The following ERI1 variants were observed in gnomAD, a reference collection of about 807,000 sequenced individuals.
ERI1 encodes 3'-5' exoribonuclease 1.
In ERI1, 39 loss-of-function variants were observed where a neutral mutation model predicts 39.7. The observed-to-expected ratio is 0.98, with a 90% confidence interval of 0.76 to 1.28. The LOEUF (loss-of-function observed/expected upper bound fraction) is 1.28. Ranked by LOEUF, ERI1 falls within the 50% of genes most tolerant of loss-of-function variation. ERI1 has a pLI of 0.00. For missense variants in ERI1, 581 were observed against 416.9 expected, an observed-to-expected ratio of 1.39 and a Z score of -3.43; for synonymous variants, 204 against 149.6, an observed-to-expected ratio of 1.36 and a Z score of -2.65.
At chr8:9,007,340 G>A (rs1816128173) in intron 1 of ERI1, among the ~76,000 whole-genome samples, 1 of 152,118 alleles carries the variant, frequency 6.6e-6, no homozygotes, top group African/African-American at 2.4e-5. Context: ...GGCAATTTTT[G>A]TTAACTTTGT....
intron 3 of ERI1, chr8:9,091,169 C>G (rs915984433): frequency 1.3e-5 from 2 of 152,182 alleles, no homozygotes; most frequent in Admixed American, 1.3e-4. Context: ...CCTGTCGGCC[C>G]TTCTTCAGCA....
chr8:9,081,007 G>C (rs1799350228), intron 3 of ERI1, among the ~76,000 whole-genome samples: 1 of 152,240 alleles, frequency 6.6e-6, no homozygotes, highest in Non-Finnish European at 1.5e-5. Flanking sequence ...TTGACTCACA[G>C]TTCCTCATGG....
Position 9,002,989 on chromosome 8 carries a change from A to G in ERI1, c.-75A>G. The G allele has an allele frequency of 9.6e-7, 1 of 1,037,952 alleles. No individual in the cohort carries two copies. Among genetic ancestry groups the G allele is most frequent in the Non-Finnish European group, 1.2e-6 (1 of 803,612 alleles). 64.3% of individuals were successfully genotyped at this position (1,037,952 alleles called of 1,614,324 possible). ...GGTAATTTTTCAACGGAGAAAGGCGAGGCTTTCGGGCTCTGCAGAGTGAGA... is the reference window on the plus strand; with the variant it reads ...GGTAATTTTTCAACGGAGAAAGGCGGGGCTTTCGGGCTCTGCAGAGTGAGA... On this transcript the variant is annotated 5_prime_UTR_variant, in exon 1 of 7. Transcript: ENST00000250263.
intron 5 of ERI1, 150 bp from the exon 6 acceptor site, chr8:9,020,200 T>C (rs1817731579): frequency 2.0e-6 from 1 of 489,968 alleles, no homozygotes; most frequent in South Asian, 3.8e-5. Flanking sequence ...TGAATTAGTA[T>C]TTTGTAGGAA....
chr8:9,020,909 CTGTTTT>C (rs1001250355), intron 6 of ERI1, among the ~76,000 whole-genome samples: 16 of 152,076 alleles, frequency 1.1e-4, no homozygotes, highest in South Asian at 4.1e-4. Flanking sequence ...ATGTAAAGCT[CTGTTTT>C]TGTTTTTGTT....
At chr8:9,067,390 G>C (rs1256785849) in intron 3 of ERI1, among the ~76,000 whole-genome samples, 1 of 143,760 alleles carries the variant, frequency 7.0e-6, no homozygotes, top group Non-Finnish European at 1.5e-5. Flanking sequence ...GCATGTGTGT[G>C]TGTGTGTGTG....
chr8:9,068,813 TTAAATTTTA>T (rs1798963088), intron 3 of ERI1, among the ~76,000 whole-genome samples: 1 of 152,136 alleles, frequency 6.6e-6, no homozygotes, highest in Non-Finnish European at 1.5e-5. Context: ...TTTAAATTTT[TTAAATTTTA>T]TTATTGGTTT....
intron 3 of ERI1, among the ~76,000 whole-genome samples, chr8:9,054,059 A>G (rs886457575): frequency 1.3e-5 from 2 of 152,210 alleles, no homozygotes; most frequent in Admixed American, 6.5e-5. Context: ...CCACATTCAC[A>G]TATGAAGTTG....
chr8:9,086,264 A>T (rs1223885718), intron 3 of ERI1, among the ~76,000 whole-genome samples: 1 of 152,118 alleles, frequency 6.6e-6, no homozygotes, highest in Non-Finnish European at 1.5e-5. Context: ...AAATACCAAA[A>T]ATTAGCTGGG....
chr8:9,020,383 G>T lies in ERI1; in HGVS notation c.726G>T (p.Gln242His), dbSNP rs376506896. 5 of 1,602,346 alleles carry T rather than the reference G, an allele frequency of 3.1e-6. No homozygotes were observed. Among genetic ancestry groups the T allele is most frequent in the East Asian group, 2.3e-5 (1 of 44,382 alleles). Residue 242 changes from glutamine to histidine, a missense_variant, in exon 6 of 7, where the codon CAG becomes CAT. Transcript: ENST00000250263. Reference sequence around the variant, plus strand: ...ATATGAGTAAGTTCTTGAACATTCAGTGTCAACTCAGCAGGCTCAAATACC... The same window carrying T: ...ATATGAGTAAGTTCTTGAACATTCATTGTCAACTCAGCAGGCTCAAATACC... ...SWDMSKFLNIQCQLSRLKYPP... is the reference protein window; with the variant it reads ...SWDMSKFLNIHCQLSRLKYPP...
Position 9,072,061 on chromosome 8 carries a change from G to C in ERI1, n.300-44287G>C, listed in dbSNP as rs796356198. 2.0e-5 allele frequency among the ~76,000 whole-genome samples: 3 copies of C among 152,274 alleles called. 1 individual carries two copies. Among genetic ancestry groups the C allele is most frequent in the African/African-American group, 7.2e-5 (3 of 41,564 alleles). ...AGCCTGGGTGACAGAGCAAGACCCTGTCACACACGTACACACACGCAAAAA... is the reference window on the plus strand; with the variant it reads ...AGCCTGGGTGACAGAGCAAGACCCTCTCACACACGTACACACACGCAAAAA... On this transcript the variant is annotated intron_variant and non_coding_transcript_variant, in intron 3 of 3. Coordinates refer to the ERI1 transcript ENST00000518663.
At chr8:9,016,764 C>T (rs910387186) in intron 4 of ERI1, among the ~76,000 whole-genome samples, 1 of 152,214 alleles carries the variant, frequency 6.6e-6, no homozygotes, top group Non-Finnish European at 1.5e-5. Flanking sequence ...CGGCTCACTG[C>T]AGCCTCTGCC....
intron 6 of ERI1, among the ~76,000 whole-genome samples, chr8:9,024,191 A>G (rs1449663331): frequency 6.6e-6 from 1 of 152,208 alleles, no homozygotes; most frequent in African/African-American, 2.4e-5. Flanking sequence ...AATAACTGTA[A>G]TACATTTCTG....
intron 3 of ERI1, among the ~76,000 whole-genome samples, chr8:9,070,289 C>G (rs532992515): frequency 6.6e-6 from 1 of 150,582 alleles, no homozygotes; most frequent in Non-Finnish European, 1.5e-5. Flanking sequence ...TAAAAAATAA[C>G]AAAAATAAAA....
chr8:9,078,857 A>T (rs1205586501), intron 3 of ERI1, among the ~76,000 whole-genome samples: 1 of 152,172 alleles, frequency 6.6e-6, no homozygotes, highest in Non-Finnish European at 1.5e-5. Flanking sequence ...TGTCCTACAG[A>T]GACTACAGGG....
chr8:9,014,301 T>C (rs1816998615), intron 3 of ERI1, among the ~76,000 whole-genome samples: 1 of 152,174 alleles, frequency 6.6e-6, no homozygotes, highest in Non-Finnish European at 1.5e-5. Flanking sequence ...TTTCTCCTTC[T>C]CTCCCTCCCT....
At chr8:9,018,441 C>G (rs1363731220) in intron 5 of ERI1, 35 bp downstream of exon 5, 2 of 1,218,652 alleles carry the variant, frequency 1.6e-6, no homozygotes, top group East Asian at 2.4e-5. Flanking sequence ...TTTATATCTA[C>G]TTTTTAAAGA....
chr8:9,018,209 C>G (rs1271697862), intron 4 of ERI1, 88 bp from the exon 5 acceptor site: 2 of 654,630 alleles, frequency 3.1e-6, no homozygotes, highest in African/African-American at 3.6e-5. Flanking sequence ...CATACTGTTT[C>G]TTCCCCTCCA....
At chr8:9,020,266 T>C (rs1322427019) in intron 5 of ERI1, 84 bp from the exon 6 acceptor site, 4 of 637,078 alleles carry the variant, frequency 6.3e-6, no homozygotes, top group Non-Finnish European at 1.0e-5. Context: ...AGTTGACATA[T>C]ATAAATAAAT....
Sources: allele counts gnomAD v4.1 joint callset (sites outside exome capture counted in the v4.1 genomes callset), GRCh38; gene constraint gnomAD v4.1.1; transcripts MANE v1.5; gene names NCBI Gene and HGNC (gene_info 2026-07-23, HGNC 2026-07-21).